The following AP3D1 variants were observed in gnomAD, a reference collection of about 807,000 sequenced individuals.
The protein encoded by AP3D1 is adaptor related protein complex 3 subunit delta 1, also known as AP-3 complex subunit delta-1.
In AP3D1, 51 loss-of-function variants were observed where a neutral mutation model predicts 147.6. The observed-to-expected ratio is 0.35, with a 90% CI of 0.28 to 0.44. The LOEUF (loss-of-function observed/expected upper bound fraction) is 0.44. Ranked by LOEUF, AP3D1 falls within the 20% of genes least tolerant of loss-of-function variation. AP3D1 has a pLI of 1.00. For missense variants in AP3D1, 1,421 were observed against 1,624.2 expected (o/e 0.87, Z 2.15); for synonymous variants, 760 against 663.0 (o/e 1.15, Z -2.25).
intron 31 of AP3D1, among the ~76,000 whole-genome samples, chr19:2,107,746 A>T (rs1484601866): frequency 1.3e-5 from 2 of 151,888 alleles, no homozygotes; most frequent in Non-Finnish European, 2.9e-5. Context: ...TCTCAAAAAA[A>T]AAAAAAAAGA....
chr19:2,161,299 T>A (rs1012207066), intron 1 of AP3D1, among the ~76,000 whole-genome samples: 1 of 151,596 alleles, frequency 6.6e-6, no homozygotes. Context: ...GTAGCTGGGA[T>A]TACAGGTGCC....
intron 26 of AP3D1, 23 bp downstream of exon 26, chr19:2,111,262 C>T (rs2018267385): frequency 6.2e-7 from 1 of 1,613,724 alleles, no homozygotes; most frequent in Middle Eastern, 1.7e-4. Flanking sequence ...CCCACCCTGC[C>T]CCTGGGAGCG....
At position 2,131,480 on chromosome 19, in the gene AP3D1, A is replaced by G. The variant is rs545857586; in HGVS notation, c.463-943T>C. On this transcript the variant is annotated intron_variant, in intron 5 of 31. Coordinates refer to ENST00000643116, the MANE Select transcript of AP3D1 (RefSeq NM_001261826.3). ...ACAGGGCCCATCGGCCACGATCTAG[A>G]CACCCGGTGGACAGGCAGCCACGAG... 1.2e-3 allele frequency among the ~76,000 whole-genome samples: 167 copies of G among 139,040 alleles called. 3 individuals carry two copies. Among genetic ancestry groups the G allele is most frequent in the African/African-American group, 4.2e-3 (155 of 36,660 alleles). The allele number at this position is 139,040 out of a possible 152,430, so 91.2% of individuals were successfully genotyped here.
rs186098222 is a variant in AP3D1 at position 2,150,928 on chromosome 19, G to A, written c.96+311C>T. Among the ~76,000 whole-genome samples, 49 of 152,340 alleles carry A rather than the reference G, an allele frequency of 3.2e-4. No individual in the cohort carries two copies. The East Asian group carries it at 8.1e-3, about 25-fold the overall frequency. Reference sequence around the variant, plus strand: ...TGAGAGAGTAAACTGAGGGTCCAGGGGGAGGGCACCTATAGGCGGGGCCCA... The same window carrying A: ...TGAGAGAGTAAACTGAGGGTCCAGGAGGAGGGCACCTATAGGCGGGGCCCA... On this transcript the variant is annotated intron_variant, in intron 1 of 31. Coordinates refer to ENST00000643116, the MANE Select transcript of AP3D1 (RefSeq NM_001261826.3).
At chr19:2,116,809 G>T (rs79786890) in intron 16 of AP3D1, 63 bp from the exon 17 acceptor site, 2 of 1,512,300 alleles carry the variant, frequency 1.3e-6, no homozygotes, top group African/African-American at 1.4e-5. Context: ...GCAGGCGTCC[G>T]CCCTGAGCAG....
chr19:2,159,090 A>G (rs900939070), intron 1 of AP3D1, among the ~76,000 whole-genome samples: 1 of 152,154 alleles, frequency 6.6e-6, no homozygotes, highest in Admixed American at 6.6e-5. Flanking sequence ...TCCGGGCTCA[A>G]GTGATTCTCC....
chr19:2,117,315 T>C lies in AP3D1; in HGVS notation c.1766A>G (p.Asp589Gly), dbSNP rs2018485368. 1 of 1,612,688 alleles carries C rather than the reference T, an allele frequency of 6.2e-7. No individual in the cohort carries two copies. Among genetic ancestry groups the C allele is most frequent in the Admixed American group, 1.7e-5 (1 of 59,966 alleles). The stretch of plus-strand genomic sequence containing the variant: ...GCTGACCTCCTCTGCCACAGGCACG[T>C]CCTTGGCCTGAAGCTTCTGGATGTG... ...VKHIQKLQAK[D>G]VPVAEEVSAL... Residue 589 changes from aspartate to glycine, a missense_variant, in exon 16 of 32, where the codon GAC (aspartate) becomes GGC (glycine). By Grantham distance (94) the Asp-to-Gly change is moderately conservative. This residue lies in a region of AP3D1 where 310 missense variants were observed against 388.1 expected (regional missense o/e 0.80). Transcript: ENST00000643116.
chr19:2,159,001 T>A (rs77819899), intron 1 of AP3D1, among the ~76,000 whole-genome samples: 1 of 77,850 alleles, frequency 1.3e-5, no homozygotes, highest in African/African-American at 3.0e-5. Flanking sequence ...TCTGTTATAA[T>A]TTTTTTTTTT....
intron 11 of AP3D1, among the ~76,000 whole-genome samples, chr19:2,122,926 C>A (rs1368751276): frequency 6.6e-6 from 1 of 152,234 alleles, no homozygotes; most frequent in Non-Finnish European, 1.5e-5. Flanking sequence ...CACGGGGGCA[C>A]CCACATGCAG....
intron 9 of AP3D1, among the ~76,000 whole-genome samples, chr19:2,126,333 G>A (rs2018754116): frequency 6.6e-6 from 1 of 151,138 alleles, no homozygotes; most frequent in Non-Finnish European, 1.5e-5. Context: ...GGCCCAGCCG[G>A]AGGTGTGGAT....
At chr19:2,112,769 G>C in intron 24 of AP3D1, 91 bp downstream of exon 24, 1 of 993,198 alleles carries the variant, frequency 1.0e-6, no homozygotes, top group South Asian at 1.6e-5. Flanking sequence ...GCTGCCCTGG[G>C]ACCTGGGTGG....
chr19:2,123,693 C>A, intron 10 of AP3D1, 137 bp downstream of exon 10: 1 of 1,072,876 alleles, frequency 9.3e-7, no homozygotes, highest in Non-Finnish European at 1.4e-6. Context: ...ACACAGGACG[C>A]GGCTGTGCCC....
chr19:2,122,605 AG>A (rs1489088776), intron 11 of AP3D1, among the ~76,000 whole-genome samples: 7 of 152,216 alleles, frequency 4.6e-5, no homozygotes, highest in African/African-American at 1.4e-4. Flanking sequence ...TGTGTACATT[AG>A]GCACAATAAG....
rs1294942925 is a variant in AP3D1 at position 2,102,195 on chromosome 19, T to C, written c.3626A>G (p.Lys1209Arg). ...CTCTCAACACTTGGCCAGCGTCGCCTTCATCTCTTCTAACAAGTTGCTCAG... is the reference window on the plus strand; with the variant it reads ...CTCTCAACACTTGGCCAGCGTCGCCCTCATCTCTTCTAACAAGTTGCTCAG... Reference protein sequence around the residue: ...TLLSNLLEEMKATLAKC With the variant: ...TLLSNLLEEMRATLAKC The change falls in exon 32 of 32, where the codon AAG becomes AGG. Residue 1209 changes from lysine to arginine, a missense_variant. Physicochemically the swap from Lys to Arg is conservative, Grantham distance 26 (BLOSUM62 2). Around this residue, in one of 6 missense-constraint regions of AP3D1, gnomAD observed 17 missense variants for 17.5 expected, o/e 0.97. Coordinates refer to ENST00000643116, the MANE Select transcript of AP3D1 (RefSeq NM_001261826.3). 3.7e-6 allele frequency: 6 copies of C among 1,613,956 alleles called. No homozygotes were observed. The highest frequency in any genetic ancestry group is 5.1e-6 in the Non-Finnish European group (6 of 1,179,918).
intron 18 of AP3D1, 48 bp from the exon 19 acceptor site, chr19:2,115,661 A>G (rs1306643731): frequency 6.4e-7 from 1 of 1,573,146 alleles, no homozygotes; most frequent in Non-Finnish European, 8.7e-7. Context: ...GGGGTGACAC[A>G]CGTGCAAGAC....
At chr19:2,151,956 G>C (rs1437198864), upstream of AP3D1, among the ~76,000 whole-genome samples, 9 of 152,352 alleles carry the variant, frequency 5.9e-5, no homozygotes, top group Admixed American at 5.9e-4. Flanking sequence ...GAATGTAATA[G>C]CTGACGCGGC....
intron 4 of AP3D1, among the ~76,000 whole-genome samples, chr19:2,134,720 G>C (rs993688882): frequency 1.3e-5 from 2 of 151,476 alleles, no homozygotes; most frequent in Non-Finnish European, 2.9e-5. Context: ...TCCTGCCTCA[G>C]CCTCCTGAGT....
chr19:2,134,510 G>T (rs1242678801), intron 4 of AP3D1, among the ~76,000 whole-genome samples: 9 of 151,610 alleles, frequency 5.9e-5, no homozygotes, highest in Non-Finnish European at 1.0e-4. Flanking sequence ...GCCGAGGCAG[G>T]CAGATCATGA....
intron 1 of AP3D1, among the ~76,000 whole-genome samples, chr19:2,148,859 G>A (rs1599498632): frequency 1.3e-5 from 2 of 152,298 alleles, no homozygotes; most frequent in East Asian, 3.9e-4. Context: ...TTACGAAATG[G>A]AAACTTTTTT....
Sources: gnomAD v4.1 joint callset for allele counts (sites outside exome capture counted in the v4.1 genomes callset) on GRCh38, gnomAD v4.1.1 for gene constraint, gnomAD v4.1.1 regional missense constraint, MANE v1.5 for transcripts, NCBI Gene and HGNC (gene_info 2026-07-23, HGNC 2026-07-21) for gene names.